Variants in PRKN observed in about 807,000 individuals in gnomAD.
PRKN encodes the protein E3 ubiquitin-protein ligase parkin.
In PRKN, 56 loss-of-function variants were observed where a neutral mutation model predicts 59.5. The ratio of observed to expected loss-of-function variants is 0.94; its 90% CI spans 0.76 to 1.18. The LOEUF (loss-of-function observed/expected upper bound fraction) is 1.18. Among genes scored for constraint, PRKN ranks in the 50% most tolerant of loss-of-function variants. The pLI is 0.00. For synonymous variants in PRKN, 250 were observed against 222.1 expected (o/e 1.13, Z -1.12); for missense variants, 657 against 596.4 (o/e 1.10, Z -1.06).
In PRKN at chr6:162,458,297, G is replaced by A. The variant is rs373338203; in HGVS notation, c.8-14824C>T. ...AAAAATTACCTGGGTGTGGTGGCAC[G>A]TGCCTGTAATCCCAGCTACTCAGGA... On this transcript the variant is annotated intron_variant, in intron 1 of 11. Transcript: ENST00000366898. Among the ~76,000 whole-genome samples, 39 of 120,438 alleles carry A rather than the reference G, an allele frequency of 3.2e-4. 1 individual carries two copies. Among genetic ancestry groups the A allele is most frequent in the South Asian group, 1.2e-3 (5 of 4,058 alleles). The allele number at this position is 120,438 out of a possible 152,430, so 79.0% of individuals were successfully genotyped here.
At position 162,515,686 on chromosome 6, in the gene PRKN, T is replaced by A. The variant is rs1251638352; in HGVS notation, c.8-72213A>T. ...TTCTGGTTTTACTTATTCAAATTTT[T>A]TTTTTTACTTGAATCAGCTTTCTCT... is the stretch of plus-strand genomic sequence containing the variant. On this transcript the variant is annotated intron_variant, in intron 1 of 11. Transcript: ENST00000366898. Among the ~76,000 whole-genome samples, 4 of 152,170 alleles carry A rather than the reference T, an allele frequency of 2.6e-5. No individual in the cohort carries two copies. The East Asian group carries it at 5.8e-4, about 22-fold the overall frequency.
At chr6:161,842,903 G>A (rs965172660) in intron 6 of PRKN, among the ~76,000 whole-genome samples, 4 of 152,104 alleles carry the variant, frequency 2.6e-5, no homozygotes, top group Non-Finnish European at 2.9e-5. Context: ...CAGTTTCAGC[G>A]GATTGAGGCT....
rs1483766444 is a variant in PRKN, at chr6:161,569,394, A to C, written c.894T>G (p.Ile298Met). The change falls in exon 8 of 12, where the codon ATT becomes ATG. Residue 298 changes from isoleucine (I) to methionine (M), a missense_variant. Transcript: ENST00000366898. Reference protein sequence around the residue: ...PCVAGCPNSLIKELHHFRILG... With the variant: ...PCVAGCPNSLMKELHHFRILG... ...GAATCCTGAAGTGATGGAGCTCTTT[A>C]ATCAAGGAGTTGGGACAGCCAGCTG... 5 of 1,613,902 alleles carry C rather than the reference A, an allele frequency of 3.1e-6. No individual in the cohort carries two copies. The highest frequency in any genetic ancestry group is 2.7e-5 in the African/African-American group (2 of 74,944).
intron 2 of PRKN, among the ~76,000 whole-genome samples, chr6:162,386,025 T>A (rs1487610462): frequency 6.6e-6 from 1 of 152,166 alleles, no homozygotes; most frequent in Non-Finnish European, 1.5e-5. Flanking sequence ...CCGCCAATTG[T>A]ATTTTGATTT....
At position 161,966,652 on chromosome 6, in the gene PRKN, A is replaced by G. The variant is rs147987265; in HGVS notation, c.734+6650T>C. On this transcript the variant is annotated intron_variant, in intron 6 of 11. Coordinates refer to ENST00000366898, the MANE Select transcript of PRKN (RefSeq NM_004562.3). Reference sequence around the variant, plus strand: ...CAGCTTGTTATGCTTATATTCATAAACCTCAAACTATCAACTGACAACCCT... The same window carrying G: ...CAGCTTGTTATGCTTATATTCATAAGCCTCAAACTATCAACTGACAACCCT... Among the ~76,000 whole-genome samples, 646 of 152,306 alleles carry G rather than the reference A, an allele frequency of 4.2e-3. 3 individuals are homozygous for G. Among genetic ancestry groups the G allele is most frequent in the African/African-American group, 0.015 (612 of 41,560 alleles).
At chr6:161,817,567 T>C (rs1791841652) in intron 6 of PRKN, among the ~76,000 whole-genome samples, 2 of 152,238 alleles carry the variant, frequency 1.3e-5, no homozygotes, top group Admixed American at 6.5e-5. Context: ...CATCCTTACA[T>C]GGTAAAATGA....
intron 6 of PRKN, among the ~76,000 whole-genome samples, chr6:161,789,177 G>C (rs945056988): frequency 5.3e-5 from 8 of 152,156 alleles, no homozygotes; most frequent in Admixed American, 1.3e-4. Context: ...AAAGTTATTA[G>C]ATTAATCACC....
chr6:162,637,305 T>C (rs1013149651), intron 1 of PRKN, among the ~76,000 whole-genome samples: 1 of 111,972 alleles, frequency 8.9e-6, no homozygotes, highest in Non-Finnish European at 1.7e-5. Context: ...AGCAGCAAAA[T>C]AAAGTTAGAG....
At chr6:161,779,695 G>A (rs559494314) in intron 7 of PRKN, among the ~76,000 whole-genome samples, 53 of 151,870 alleles carry the variant, frequency 3.5e-4, no homozygotes, top group Admixed American at 1.8e-3. Context: ...TGCCTACCTC[G>A]TCCTACCAAA....
intron 6 of PRKN, among the ~76,000 whole-genome samples, chr6:161,861,961 T>C (rs910954891): frequency 2.0e-4 from 31 of 151,900 alleles, no homozygotes; most frequent in Non-Finnish European, 2.8e-4. Context: ...CTCTGAAGAG[T>C]CTATGGGAGA....
intron 6 of PRKN, among the ~76,000 whole-genome samples, chr6:161,840,143 C>T (rs775595189): frequency 1.9e-4 from 29 of 152,192 alleles, no homozygotes; most frequent in Admixed American, 5.9e-4. Context: ...CTTGCCCTTT[C>T]ATTTTATAGC....
rs189155247 is a variant in PRKN at position 161,550,199 on chromosome 6, G to A, written c.934-1196C>T. 5.8e-4 allele frequency among the ~76,000 whole-genome samples: 88 copies of A among 152,300 alleles called. No homozygotes were observed. Among genetic ancestry groups the A allele is most frequent in the African/African-American group, 2.1e-3 (86 of 41,560 alleles). ...AGGGTACAACAAGGGGGGCAGTGGG[G>A]CGGAGGCAGAGAGAACAAGGAGGGA... On this transcript the variant is annotated intron_variant, in intron 8 of 11. Coordinates refer to ENST00000366898, the MANE Select transcript of PRKN (RefSeq NM_004562.3). The surrounding 1 kb of genome is among the most constrained non-coding windows in gnomAD (Gnocchi z 4.0).
At chr6:162,235,041 T>C (rs1173649879) in intron 3 of PRKN, among the ~76,000 whole-genome samples, 1 of 152,162 alleles carries the variant, frequency 6.6e-6, no homozygotes, top group Non-Finnish European at 1.5e-5. Context: ...TATAACTTTA[T>C]GAAAAAAATG....
chr6:161,587,510 C>A (rs1781562074), intron 7 of PRKN, among the ~76,000 whole-genome samples: 1 of 152,038 alleles, frequency 6.6e-6, no homozygotes, highest in Non-Finnish European at 1.5e-5. Context: ...AAAGCAAAGC[C>A]TGTTTCAGAT....
rs79399772 is a variant in PRKN, at chr6:161,419,387, T to C, written c.1084-32510A>G. Reference sequence around the variant, plus strand: ...CAGAGGGCCTTTCCTTTTTTCTTTTTTCTTCTTCTTTTTTTTTTTAAATGG... The same window carrying C: ...CAGAGGGCCTTTCCTTTTTTCTTTTCTCTTCTTCTTTTTTTTTTTAAATGG... On this transcript the variant is annotated intron_variant, in intron 9 of 11. Coordinates refer to ENST00000366898, the MANE Select transcript of PRKN (RefSeq NM_004562.3). The surrounding 1 kb of genome is among the most constrained non-coding windows in gnomAD (Gnocchi z 4.1). Among the ~76,000 whole-genome samples, 5 of 97,542 alleles carry C rather than the reference T, an allele frequency of 5.1e-5. No individual in the cohort carries two copies. The East Asian group carries it at 1.7e-3, about 32-fold the overall frequency. The allele number at this position is 97,542 out of a possible 152,430, so 64.0% of individuals were successfully genotyped here.
chr6:161,904,688 T>C (rs6455784), intron 6 of PRKN, among the ~76,000 whole-genome samples: 83,991 of 151,892 alleles, frequency 0.55, 23,281 homozygotes, highest in Middle Eastern at 0.66. Flanking sequence ...AAGCCTGAAC[T>C]TGGGATGTGC....
At chr6:161,915,305 G>A (rs373499134) in intron 6 of PRKN, among the ~76,000 whole-genome samples, 1 of 151,972 alleles carries the variant, frequency 6.6e-6, no homozygotes. Context: ...AAAATAAGAT[G>A]TTCTTTTCAA....
chr6:161,714,441 G>GTA (rs1786884823), intron 7 of PRKN, among the ~76,000 whole-genome samples: 2 of 152,188 alleles, frequency 1.3e-5, no homozygotes, highest in Non-Finnish European at 2.9e-5. Flanking sequence ...TGAAGACACA[G>GTA]CAAGGAGGTG....
At chr6:161,936,132 C>T (rs1326492303) in intron 6 of PRKN, among the ~76,000 whole-genome samples, 2 of 151,914 alleles carry the variant, frequency 1.3e-5, no homozygotes, top group Non-Finnish European at 2.9e-5. Flanking sequence ...CAAAGCACAA[C>T]CAAAGCAATG....
Sources: gnomAD v4.1 joint callset for allele counts (sites outside exome capture counted in the v4.1 genomes callset) on GRCh38, gnomAD v4.1.1 for gene constraint, Gnocchi (gnomAD v3.1) non-coding constraint, MANE v1.5 for transcripts, NCBI Gene and HGNC (gene_info 2026-07-23, HGNC 2026-07-21) for gene names.